Variants in ADGRL3 observed in about 807,000 individuals in gnomAD.
ADGRL3 encodes adhesion G protein-coupled receptor L3.
Under a neutral mutation model 153.5 loss-of-function variants are expected in ADGRL3, and 62 were observed. The ratio of observed to expected loss-of-function variants is 0.40; its 90% CI spans 0.33 to 0.50. The LOEUF is 0.50. Among genes scored for constraint, ADGRL3 ranks in the 20% least tolerant of loss-of-function variants. ADGRL3 has a pLI of 0.47. For missense variants in ADGRL3, 1,641 were observed against 1,859.4 expected (o/e 0.88, Z 2.16); for synonymous variants, 710 against 672.5 (o/e 1.06, Z -0.86).
chr4:61,497,602 G>C (rs2098334813), intron 3 of ADGRL3, among the ~76,000 whole-genome samples: 1 of 142,964 alleles, frequency 7.0e-6, no homozygotes, highest in African/African-American at 2.6e-5. Context: ...TGCAACCTCT[G>C]TCTCCTGGGT....
At chr4:61,356,476 A>G (rs1162978003) in intron 1 of ADGRL3, among the ~76,000 whole-genome samples, 1 of 152,094 alleles carries the variant, frequency 6.6e-6, no homozygotes, top group Non-Finnish European at 1.5e-5. Context: ...TAGTTATCTA[A>G]TGATCATATA....
chr4:61,334,098 G>A lies in ADGRL3; in HGVS notation c.-239-49026G>A, dbSNP rs183311914. On this transcript the variant is annotated intron_variant, in intron 1 of 26. Transcript: ENST00000683033. ...CGCTTGGGTAATTTTTGTATTTTTA[G>A]TAGAGACAGGGTTTTGCCATGTTGG... is the stretch of plus-strand genomic sequence containing the variant. Among the ~76,000 whole-genome samples the A allele has an allele frequency of 3.3e-5, 5 of 152,010 alleles. No homozygotes were observed. The East Asian group carries it at 9.8e-4, about 30-fold the overall frequency.
intron 6 of ADGRL3, among the ~76,000 whole-genome samples, chr4:61,715,323 G>T (rs949407470): frequency 1.5e-4 from 23 of 152,232 alleles, no homozygotes; most frequent in African/African-American, 5.5e-4. Context: ...AAAGCAGGCT[G>T]AAAACGTCAT....
chr4:61,372,872 A>G (rs1009638119), intron 1 of ADGRL3, among the ~76,000 whole-genome samples: 10 of 152,134 alleles, frequency 6.6e-5, no homozygotes, highest in Non-Finnish European at 8.8e-5. Context: ...TGTGCTAGCA[A>G]TCAGCGAGAC....
chr4:61,346,090 C>A (rs917049666), intron 1 of ADGRL3, among the ~76,000 whole-genome samples: 2 of 152,022 alleles, frequency 1.3e-5, no homozygotes, highest in African/African-American at 4.8e-5. Flanking sequence ...CAAATTAGTG[C>A]GGTTCAAAAG....
chr4:61,825,266 G>A (rs1364826684), intron 9 of ADGRL3, among the ~76,000 whole-genome samples: 3 of 152,064 alleles, frequency 2.0e-5, no homozygotes, highest in Non-Finnish European at 4.4e-5. Context: ...CAAAACCATT[G>A]CCACAGTGCC....
At chr4:61,894,585 C>T (rs963693786) in intron 10 of ADGRL3, among the ~76,000 whole-genome samples, 3 of 152,036 alleles carry the variant, frequency 2.0e-5, no homozygotes, top group African/African-American at 4.8e-5. Context: ...TAGTGAAACA[C>T]TTTATTTGAA....
chr4:61,624,565 A>G (rs1362499823), intron 5 of ADGRL3, among the ~76,000 whole-genome samples: 1 of 152,062 alleles, frequency 6.6e-6, no homozygotes. Context: ...GTCTCCTAAA[A>G]TGTTTATTAT....
intron 5 of ADGRL3, among the ~76,000 whole-genome samples, chr4:61,619,897 G>A (rs2092373412): frequency 6.6e-6 from 1 of 152,134 alleles, no homozygotes. Flanking sequence ...AAAATGTGCA[G>A]CTTCTCATTC....
intron 1 of ADGRL3, among the ~76,000 whole-genome samples, chr4:61,381,926 G>A (rs1276658884): frequency 6.6e-6 from 1 of 151,872 alleles, no homozygotes; most frequent in Admixed American, 6.6e-5. Context: ...AATAGAAGTG[G>A]ACACTCACTC....
At chr4:61,457,133 A>G (rs1230133842) in intron 2 of ADGRL3, among the ~76,000 whole-genome samples, 1 of 152,030 alleles carries the variant, frequency 6.6e-6, no homozygotes, top group East Asian at 1.9e-4. Flanking sequence ...TGTTTTTTAA[A>G]AAATCAATCT....
chr4:62,029,354 G>T (rs538468584), intron 22 of ADGRL3, among the ~76,000 whole-genome samples: 12 of 151,416 alleles, frequency 7.9e-5, no homozygotes, highest in African/African-American at 2.9e-4. Context: ...TATAAATAAA[G>T]AAAAAAATGC....
At chr4:61,748,630 A>T (rs1475519056) in intron 8 of ADGRL3, among the ~76,000 whole-genome samples, 2 of 152,152 alleles carry the variant, frequency 1.3e-5, no homozygotes, top group African/African-American at 4.8e-5. Context: ...TATTTAATAA[A>T]TGGTGTTGGG....
At chr4:61,492,446 A>G (rs1329406324) in intron 2 of ADGRL3, among the ~76,000 whole-genome samples, 1 of 152,134 alleles carries the variant, frequency 6.6e-6, no homozygotes, top group Non-Finnish European at 1.5e-5. Context: ...ATTTAAGAGT[A>G]GCTAACACAT....
At chr4:61,779,113 A>G (rs1227562528) in intron 8 of ADGRL3, among the ~76,000 whole-genome samples, 2 of 152,258 alleles carry the variant, frequency 1.3e-5, no homozygotes, top group East Asian at 3.9e-4. Context: ...CTACAATGTT[A>G]TGTAATTATT....
intron 1 of ADGRL3, among the ~76,000 whole-genome samples, chr4:61,329,244 C>T (rs1395203917): frequency 6.6e-6 from 1 of 151,994 alleles, no homozygotes; most frequent in Admixed American, 6.6e-5. Context: ...TAAAGTAAAA[C>T]AAGATTTATA....
chr4:61,951,005 C>A (rs2098945089), intron 17 of ADGRL3, among the ~76,000 whole-genome samples: 1 of 152,288 alleles, frequency 6.6e-6, no homozygotes, highest in Admixed American at 6.5e-5. Flanking sequence ...TGGAGGTGAA[C>A]TGAAGAACTT....
chr4:61,226,623 A>T (rs1748079986), intron 1 of ADGRL3, among the ~76,000 whole-genome samples: 1 of 152,186 alleles, frequency 6.6e-6, no homozygotes, highest in African/African-American at 2.4e-5. Flanking sequence ...AAAGTAGAAT[A>T]TATGTGATCT....
chr4:61,753,180 C>A (rs567436403), intron 8 of ADGRL3, among the ~76,000 whole-genome samples: 1 of 151,142 alleles, frequency 6.6e-6, no homozygotes, highest in East Asian at 2.0e-4. Flanking sequence ...TCCCCGAACT[C>A]CTCTAGATGG....
Sources: allele counts gnomAD v4.1 joint callset (sites outside exome capture counted in the v4.1 genomes callset), GRCh38; gene constraint gnomAD v4.1.1; transcripts MANE v1.5; gene names NCBI Gene and HGNC (gene_info 2026-07-23, HGNC 2026-07-21).